The following DMXL1 variants were observed in gnomAD, a reference collection of about 807,000 sequenced individuals.
DMXL1 encodes the protein dmX-like protein 1.
DMXL1 carries 99 observed loss-of-function variants against 319.2 expected under a neutral mutation model. That is an observed-to-expected ratio of 0.31 (90% CI 0.26 to 0.37). The LOEUF (loss-of-function observed/expected upper bound fraction) is 0.37, where lower values mean the gene tolerates loss of function less well. DMXL1 is among the 10% of genes least tolerant of loss of function. DMXL1 has a pLI of 1.00. For synonymous variants in DMXL1, 1,385 were observed against 1,235.2 expected (o/e 1.12, Z -2.54); for missense variants, 3,745 against 3,595.6 (o/e 1.04, Z -1.06).
intron 4 of DMXL1, among the ~76,000 whole-genome samples, chr5:119,106,541 C>T (rs1411250300): frequency 6.6e-6 from 1 of 152,052 alleles, no homozygotes; most frequent in African/African-American, 2.4e-5. Context: ...TAAGACCTTA[C>T]CATGTTATAG....
At chr5:119,129,166 G>A (rs546242570) in intron 9 of DMXL1, 45 bp from the exon 10 acceptor site, 5 of 1,234,570 alleles carry the variant, frequency 4.0e-6, no homozygotes, top group African/African-American at 3.1e-5. Flanking sequence ...TGTTTCATAT[G>A]CTAGAAGGTA....
chr5:119,127,029 A>C (rs537191817), intron 9 of DMXL1: 1 of 166,248 alleles, frequency 6.0e-6, no homozygotes, highest in Non-Finnish European at 1.5e-5. Flanking sequence ...TTTTAGCTAC[A>C]TGCTGTCTTC....
At chr5:119,087,901 A>G (rs1024346933) in intron 1 of DMXL1, among the ~76,000 whole-genome samples, 2 of 152,082 alleles carry the variant, frequency 1.3e-5, no homozygotes, top group Non-Finnish European at 2.9e-5. Context: ...TCCCAGGTTC[A>G]AGTGATTCTC....
intron 1 of DMXL1, among the ~76,000 whole-genome samples, chr5:119,088,368 A>G (rs942604960): frequency 6.6e-6 from 1 of 152,164 alleles, no homozygotes; most frequent in African/African-American, 2.4e-5. Context: ...TCTTGTGGGC[A>G]GTATAGAGTT....
intron 42 of DMXL1, 32 bp from the exon 43 acceptor site, chr5:119,244,327 G>GTGTTTT: frequency 1.3e-6 from 2 of 1,531,910 alleles, no homozygotes; most frequent in Non-Finnish European, 1.8e-6. Context: ...TTATTGTTAA[G>GTGTTTT]TGTTTTTGTT....
rs958602007 is a variant in DMXL1 at position 119,220,833 on chromosome 5, A to C, written c.8136-107A>C. 5.1e-6 allele frequency: 7 copies of C among 1,370,638 alleles called. No homozygotes were observed. In the Admixed American group the frequency reaches 1.4e-4, roughly 28 times the overall value. The allele number at this position is 1,370,638 out of a possible 1,614,324, so 84.9% of individuals were successfully genotyped here. ...TGTGTGAGTTACAAATAAGAGCTGAAGAAAATTAATTTTAAAGGGAACTAT... is the reference window on the plus strand; with the variant it reads ...TGTGTGAGTTACAAATAAGAGCTGACGAAAATTAATTTTAAAGGGAACTAT... On this transcript the variant is annotated intron_variant, in intron 36 of 43. Transcript: ENST00000539542.
chr5:119,193,224 C>G (rs1049556474), intron 29 of DMXL1, among the ~76,000 whole-genome samples: 2 of 152,114 alleles, frequency 1.3e-5, no homozygotes, highest in African/African-American at 2.4e-5. Context: ...CCTACAAGAC[C>G]CTGTCTGAGC....
At chr5:119,241,296 C>T (rs1788742178) in intron 42 of DMXL1, among the ~76,000 whole-genome samples, 1 of 151,980 alleles carries the variant, frequency 6.6e-6, no homozygotes, top group Non-Finnish European at 1.5e-5. Flanking sequence ...CTTTGGGAGG[C>T]CAAGGCGGGT....
At chr5:119,120,441 A>G (rs1282504911) in intron 8 of DMXL1, among the ~76,000 whole-genome samples, 2 of 152,228 alleles carry the variant, frequency 1.3e-5, no homozygotes, top group Non-Finnish European at 2.9e-5. Context: ...TGGGTTCTAT[A>G]TAGACCATTT....
intron 9 of DMXL1, among the ~76,000 whole-genome samples, chr5:119,122,864 C>T (rs1401799452): frequency 1.3e-5 from 2 of 150,892 alleles, no homozygotes; most frequent in East Asian, 1.9e-4. Context: ...AGACGATGGG[C>T]GGCCAGGCAG....
intron 22 of DMXL1, among the ~76,000 whole-genome samples, chr5:119,167,151 C>T (rs1009191060): frequency 2.6e-5 from 4 of 151,980 alleles, no homozygotes; most frequent in African/African-American, 4.8e-5. Flanking sequence ...TCTTAGTAAA[C>T]CTTAAAAAAA....
At chr5:119,135,862 G>A (rs951789220) in intron 13 of DMXL1, among the ~76,000 whole-genome samples, 1 of 152,166 alleles carries the variant, frequency 6.6e-6, no homozygotes, top group African/African-American at 2.4e-5. Flanking sequence ...TTCATAGAGT[G>A]TAAAAACAGC....
intron 19 of DMXL1, among the ~76,000 whole-genome samples, chr5:119,161,037 C>G (rs1772154210): frequency 6.6e-6 from 1 of 152,170 alleles, no homozygotes; most frequent in Admixed American, 6.5e-5. Context: ...TTCCCTGATT[C>G]TTCACCATTC....
intron 9 of DMXL1, among the ~76,000 whole-genome samples, chr5:119,122,328 C>A (rs1762324620): frequency 6.8e-6 from 1 of 147,380 alleles, no homozygotes; most frequent in Non-Finnish European, 1.5e-5. Context: ...CCCCCCACCT[C>A]CCTCCCGGAG....
Position 119,096,421 on chromosome 5 carries a change from C to T in DMXL1, c.88-1558C>T, listed in dbSNP as rs185061572. 8.1e-4 allele frequency among the ~76,000 whole-genome samples: 123 copies of T among 152,260 alleles called. 2 individuals are homozygous for T. The highest frequency in any genetic ancestry group is 2.6e-3 in the African/African-American group (108 of 41,536). On this transcript the variant is annotated intron_variant, in intron 1 of 43. Coordinates refer to ENST00000539542, the MANE Select transcript of DMXL1 (RefSeq NM_001290321.3). Reference sequence around the variant, plus strand: ...GAACTCCAGACCTCAGGTGATCCGCCTGCCTCAGCCTGCCAAAGTGCTGGG... The same window carrying T: ...GAACTCCAGACCTCAGGTGATCCGCTTGCCTCAGCCTGCCAAAGTGCTGGG...
chr5:119,144,722 ACAT>A (rs1768140997), intron 15 of DMXL1, 84 bp downstream of exon 15: 1 of 825,222 alleles, frequency 1.2e-6, no homozygotes, highest in Admixed American at 3.0e-5. Context: ...AAAATGCTTT[ACAT>A]TGTCTATTTG....
intron 4 of DMXL1, among the ~76,000 whole-genome samples, chr5:119,107,559 T>A (rs892624240): frequency 6.6e-6 from 1 of 152,222 alleles, no homozygotes. Context: ...ATCTGTAATA[T>A]CTAATTCTTA....
At chr5:119,072,943 A>C (rs1013254278) in intron 1 of DMXL1, among the ~76,000 whole-genome samples, 4 of 152,320 alleles carry the variant, frequency 2.6e-5, no homozygotes, top group Non-Finnish European at 5.9e-5. Flanking sequence ...CTTGAGAGGA[A>C]AGTAAACATC....
chr5:119,208,715 C>A (rs1243862760), intron 34 of DMXL1, among the ~76,000 whole-genome samples: 1 of 152,074 alleles, frequency 6.6e-6, no homozygotes, highest in Non-Finnish European at 1.5e-5. Context: ...GTAAGGTATG[C>A]CTGACCTAAA....
Sources: allele counts gnomAD v4.1 joint callset (sites outside exome capture counted in the v4.1 genomes callset), GRCh38; gene constraint gnomAD v4.1.1; transcripts MANE v1.5; gene names NCBI Gene and HGNC (gene_info 2026-07-23, HGNC 2026-07-21).